Variants in ADSS2 observed in about 807,000 individuals in gnomAD.
ADSS2 encodes the protein adenylosuccinate synthase 2.
Under a neutral mutation model 60.0 loss-of-function variants are expected in ADSS2, and 30 were observed. The ratio of observed to expected loss-of-function variants is 0.50; its 90% CI spans 0.37 to 0.68. The LOEUF is 0.68. ADSS2 is among the 30% of genes least tolerant of loss of function. The pLI, the probability that ADSS2 is intolerant of heterozygous loss-of-function variation, is 0.00. For missense variants in ADSS2, 373 were observed against 554.8 expected (o/e 0.67, Z 3.29); for synonymous variants, 187 against 193.1 (o/e 0.97, Z 0.26).
chr1:244,424,208 C>T, intron 5 of ADSS2, 113 bp downstream of exon 5: 1 of 1,251,416 alleles, frequency 8.0e-7, no homozygotes, highest in Non-Finnish European at 1.1e-6. Context: ...TACTGATTTT[C>T]TCTAAAACAG....
At chr1:244,413,448 G>C (rs1029804044) in intron 11 of ADSS2, among the ~76,000 whole-genome samples, 1 of 152,190 alleles carries the variant, frequency 6.6e-6, no homozygotes, top group African/African-American at 2.4e-5. Flanking sequence ...GCTCCTGGGA[G>C]AGAAAACTCA....
intron 10 of ADSS2, among the ~76,000 whole-genome samples, chr1:244,417,184 G>A (rs79169897): frequency 6.6e-6 from 1 of 152,130 alleles, no homozygotes; most frequent in Non-Finnish European, 1.5e-5. Context: ...TTTCAGAGAG[G>A]ATAAAACAGA....
chr1:244,439,470 C>T (rs1433090946), intron 1 of ADSS2, among the ~76,000 whole-genome samples: 5 of 152,174 alleles, frequency 3.3e-5, no homozygotes, highest in African/African-American at 9.7e-5. Flanking sequence ...GGGCCTGTGA[C>T]GGGGAACTCA....
chr1:244,432,445 C>G lies in ADSS2; in HGVS notation c.406+100G>C, dbSNP rs1385395254. 4 of 885,062 alleles carry G rather than the reference C, an allele frequency of 4.5e-6. No homozygotes were observed. The African/African-American group carries it at 5.4e-5, about 12-fold the overall frequency. The allele number at this position is 885,062 out of a possible 1,614,324, so 54.8% of individuals were successfully genotyped here. ...ATTACTACAATCCATCCTACTTACG[C>G]TAAATAAAAATAAAAGACAAAATTA... is the stretch of plus-strand genomic sequence containing the variant. On this transcript the variant is annotated intron_variant, in intron 4 of 12. Coordinates refer to ENST00000366535, the MANE Select transcript of ADSS2 (RefSeq NM_001126.5).
At chr1:244,423,693 A>G (rs1664726118) in intron 6 of ADSS2, among the ~76,000 whole-genome samples, 1 of 152,198 alleles carries the variant, frequency 6.6e-6, no homozygotes, top group African/African-American at 2.4e-5. Flanking sequence ...AAACCATTCC[A>G]TATTTCAATT....
At chr1:244,435,959 T>A (rs568831773) in intron 3 of ADSS2, among the ~76,000 whole-genome samples, 1 of 152,300 alleles carries the variant, frequency 6.6e-6, no homozygotes, top group East Asian at 1.9e-4. Context: ...ATCCAGCTAG[T>A]ACACATGCCA....
chr1:244,438,549 A>C (rs1665157666), intron 1 of ADSS2, among the ~76,000 whole-genome samples: 1 of 152,170 alleles, frequency 6.6e-6, no homozygotes, highest in East Asian at 1.9e-4. Flanking sequence ...CTAAGTTTAA[A>C]AAACATGGAA....
At position 244,435,499 on chromosome 1, in the gene ADSS2, A is replaced by C. The variant is rs567098055; in HGVS notation, c.355+1326T>G. ...TATTTTAAATAATTTTGTGCATGAA[A>C]CGAAGTTTGTTTCCTCTTCCTCCTC... On this transcript the variant is annotated intron_variant, in intron 3 of 12. Transcript: ENST00000366535. Among the ~76,000 whole-genome samples the C allele has an allele frequency of 4.6e-5, 7 of 151,392 alleles. No individual in the cohort carries two copies. In the East Asian group the frequency reaches 1.4e-3, roughly 31 times the overall value.
Position 244,415,982 on chromosome 1 carries a change from T to G in ADSS2, c.1167A>C (p.Pro389=). The change falls in exon 11 of 13, where the codon CCA becomes CCC. Residue 389 remains proline (P), a splice_region_variant and synonymous_variant. Coordinates refer to ENST00000366535, the MANE Select transcript of ADSS2 (RefSeq NM_001126.5). ...KLDGEIIPHI[P]ANQEVLNKVE... ...TAGATATTGCCTAAAAGAAAATACC[T>G]GGGATATGAGGTATGATTTCACCAT... is the stretch of plus-strand genomic sequence containing the variant. 6.2e-7 allele frequency: 1 copy of G among 1,602,390 alleles called. No homozygotes were observed. Among genetic ancestry groups the G allele is most frequent in the Non-Finnish European group, 8.5e-7 (1 of 1,170,054 alleles).
In ADSS2 at chr1:244,451,332, G is replaced by C. The variant is rs1665584385; in HGVS notation, c.183+303C>G. On this transcript the variant is annotated intron_variant, in intron 1 of 12. Coordinates refer to ENST00000366535, the MANE Select transcript of ADSS2 (RefSeq NM_001126.5). This position sits in a 1 kb window ranked among gnomAD's most constrained non-coding sequence, Gnocchi z 6.6. ...CCACCCCGGCCTCAGTCCCGGCGCT[G>C]AGCACCACTCGCCAGACGCAAAACT... 6.6e-6 allele frequency among the ~76,000 whole-genome samples: 1 copy of C among 152,164 alleles called. No homozygotes were observed. Among genetic ancestry groups the C allele is most frequent in the South Asian group, 2.1e-4 (1 of 4,830 alleles).
At chr1:244,437,564 C>T in intron 2 of ADSS2, 102 bp downstream of exon 2, 2 of 813,302 alleles carry the variant, frequency 2.5e-6, no homozygotes, top group South Asian at 1.6e-5. Context: ...ATCAATGAAC[C>T]ATCTGGTCAG....
chr1:244,424,348 T>C lies in ADSS2; in HGVS notation c.446A>G (p.Gln149Arg), dbSNP rs1361108729. 49 of 1,613,444 alleles carry C rather than the reference T, an allele frequency of 3.0e-5. No individual in the cohort carries two copies. The highest frequency in any genetic ancestry group is 4.2e-5 in the Non-Finnish European group (49 of 1,179,604). Residue 149 changes from glutamine to arginine, a missense_variant, in exon 5 of 13, where the codon CAA (glutamine) becomes CGA (arginine). Physicochemically the swap from Gln to Arg is conservative, Grantham distance 43 (BLOSUM62 1). Transcript: ENST00000366535. The stretch of plus-strand genomic sequence containing the variant: ...TTTTCCTGCTTGTTCTTGTCTCTGT[T>C]GTTCCTGGATACCATCAGCTGCTTG... ...FHQAADGIQE[Q>R]QRQEQAGKNL...
intron 4 of ADSS2, chr1:244,424,751 A>C (rs1352017391): frequency 5.1e-6 from 1 of 197,002 alleles, no homozygotes; most frequent in African/African-American, 2.4e-5. Flanking sequence ...CCTTTTCCTC[A>C]CTAGTCTCGA....
At chr1:244,420,064 C>G in intron 8 of ADSS2, 106 bp downstream of exon 8, 1 of 1,209,940 alleles carries the variant, frequency 8.3e-7, no homozygotes, top group Non-Finnish European at 1.1e-6. Flanking sequence ...AATATACAAG[C>G]TAAAAACATT....
At chr1:244,426,557 T>C (rs779261979) in intron 4 of ADSS2, among the ~76,000 whole-genome samples, 3 of 152,216 alleles carry the variant, frequency 2.0e-5, no homozygotes, top group Non-Finnish European at 4.4e-5. Context: ...AAAACCATCA[T>C]AACTGTGCAC....
chr1:244,409,758 T>C (rs1572125494), intron 12 of ADSS2, 120 bp from the exon 13 acceptor site: 10 of 734,272 alleles, frequency 1.4e-5, no homozygotes, highest in Non-Finnish European at 1.9e-5. Flanking sequence ...CCTATGTGCC[T>C]TTTTGCTGTT....
intron 4 of ADSS2, among the ~76,000 whole-genome samples, chr1:244,427,207 A>G (rs981566685): frequency 2.0e-5 from 3 of 152,208 alleles, no homozygotes; most frequent in Non-Finnish European, 2.9e-5. Context: ...AGAACTGGCC[A>G]GCAACTTAAT....
intron 3 of ADSS2, 137 bp from the exon 4 acceptor site, chr1:244,432,732 C>T (rs1487177038): frequency 1.0e-5 from 5 of 476,980 alleles, no homozygotes; most frequent in South Asian, 2.5e-5. Flanking sequence ...GGTGTGATCT[C>T]GGCTCACTGC....
At chr1:244,448,164 T>C (rs1665441377) in intron 1 of ADSS2, among the ~76,000 whole-genome samples, 1 of 152,190 alleles carries the variant, frequency 6.6e-6, no homozygotes, top group Non-Finnish European at 1.5e-5. Context: ...TTATGGGAAG[T>C]AGTCTGGCAG....
Sources: allele counts gnomAD v4.1 joint callset (sites outside exome capture counted in the v4.1 genomes callset), GRCh38; gene constraint gnomAD v4.1.1; non-coding constraint Gnocchi (gnomAD v3.1); transcripts MANE v1.5; gene names NCBI Gene and HGNC (gene_info 2026-07-23, HGNC 2026-07-21).